Variants in LTN1 observed in about 807,000 individuals in gnomAD.
The protein encoded by LTN1 is E3 ubiquitin-protein ligase listerin.
In LTN1, 88 loss-of-function variants were observed where a neutral mutation model predicts 201.2. That is an observed-to-expected ratio of 0.44 (90% CI 0.37 to 0.52). The LOEUF (loss-of-function observed/expected upper bound fraction) is 0.52. LTN1 is among the 20% of genes least tolerant of loss of function. The pLI is 0.00. For missense variants in LTN1, 1,752 were observed against 2,038.7 expected (o/e 0.86, Z 2.71); for synonymous variants, 645 against 713.5 (o/e 0.90, Z 1.53).
In LTN1 at chr21:28,958,508, C is replaced by T; in HGVS notation, c.2625G>A (p.Trp875Ter). The T allele has an allele frequency of 6.2e-7, 1 of 1,605,602 alleles. No homozygotes were observed. The highest frequency in any genetic ancestry group is 8.5e-7 in the Non-Finnish European group (1 of 1,176,938). ...DFLICKLKNT[W>*]LSGVNLLVHQ... ...GAACCAATAAATTTACACCAGAGAG[C>T]CAAGTATTTTTCAGTTTACAGATAA... The change falls in exon 14 of 30, where the codon TGG (tryptophan) becomes TGA (stop). Residue 875 changes from tryptophan (W) to a stop codon, truncating the protein, a stop_gained. Transcript: ENST00000361371. LOFTEE classifies it high-confidence loss of function.
At chr21:28,951,430 G>A (rs2084381653) in intron 18 of LTN1, among the ~76,000 whole-genome samples, 1 of 152,050 alleles carries the variant, frequency 6.6e-6, no homozygotes, top group Non-Finnish European at 1.5e-5. Context: ...AGACACATTT[G>A]TTACATTTCT....
Position 28,944,438 on chromosome 21 carries a change from T to G in LTN1, c.3927A>C (p.Glu1309Asp). 6.2e-7 allele frequency: 1 copy of G among 1,613,996 alleles called. No homozygotes were observed. Among genetic ancestry groups the G allele is most frequent in the Non-Finnish European group, 8.5e-7 (1 of 1,179,950 alleles). Residue 1309 changes from glutamate to aspartate, a missense_variant, in exon 22 of 30, where the codon GAA becomes GAC. Around this residue, in one of 3 missense-constraint regions of LTN1, gnomAD observed 1,211 missense variants for 1,312.8 expected, o/e 0.92. Transcript: ENST00000361371. The stretch of plus-strand genomic sequence containing the variant: ...AACTGTGGATGCCTTGGGAAAAAAA[T>G]TCTTTCCATTCACTGATTAGATTTA... Reference protein sequence around the residue: ...LPVNLISEWKEFFSQGIHSLL... With the variant: ...LPVNLISEWKDFFSQGIHSLL...
In LTN1 at chr21:28,971,259, T is replaced by C; in HGVS notation, c.984+12A>G. ...CATTCCTCAGTGTACTAAATGTGCC[T>C]CTCTTACATACCTCAATAGTTGTAA... On this transcript the variant is annotated intron_variant, in intron 7 of 29. Transcript: ENST00000361371. 6.2e-7 allele frequency: 1 copy of C among 1,600,114 alleles called. No homozygotes were observed. Among genetic ancestry groups the C allele is most frequent in the Non-Finnish European group, 8.5e-7 (1 of 1,172,416 alleles).
At chr21:28,980,977 A>G (rs2146313667) in intron 6 of LTN1, 142 bp downstream of exon 6, 1 of 471,472 alleles carries the variant, frequency 2.1e-6, no homozygotes, top group East Asian at 3.5e-5. Context: ...TTCTAGTAAG[A>G]GAGGTAATTC....
chr21:28,966,394 T>C lies in LTN1; in HGVS notation c.2097A>G (p.Lys699=). The change falls in exon 10 of 30, where the codon AAA becomes AAG. Residue 699 remains lysine (K), a synonymous_variant. Transcript: ENST00000361371. The stretch of plus-strand genomic sequence containing the variant: ...CCTTGGTTAGATCATCCAAGACTTT[T>C]TTTCTTTCCATATCATTGTCACAGC... ...LRCCDNDMER[K]KVLDDLTKVD... 6.2e-7 allele frequency: 1 copy of C among 1,608,758 alleles called. No individual in the cohort carries two copies. The highest frequency in any genetic ancestry group is 8.5e-7 in the Non-Finnish European group (1 of 1,178,632).
Position 28,966,363 on chromosome 21 carries a change from G to A in LTN1, c.2121+7C>T. The A allele has an allele frequency of 6.3e-7, 1 of 1,584,500 alleles. No individual in the cohort carries two copies. Among genetic ancestry groups the A allele is most frequent in the Non-Finnish European group, 8.6e-7 (1 of 1,165,812 alleles). ...AAATAGTTTGAAAAGATATACAACA[G>A]GAATACCTTGGTTAGATCATCCAAG... On this transcript the variant is annotated splice_region_variant and intron_variant, in intron 10 of 29. Transcript: ENST00000361371.
In LTN1 at chr21:28,966,595, C is replaced by A. The variant is rs1238075709; in HGVS notation, c.1896G>T (p.Met632Ile). The change falls in exon 10 of 30, where the codon ATG becomes ATT. Residue 632 changes from methionine to isoleucine, a missense_variant. By Grantham distance (10) the Met-to-Ile change is conservative (BLOSUM62 1). Coordinates refer to ENST00000361371, the MANE Select transcript of LTN1 (RefSeq NM_015565.3). Reference sequence around the variant, plus strand: ...TACTCTGTTTTTCATCACCAAGTAGCATTTTAAATACTCGGCTTGAAGAAA... The same window carrying A: ...TACTCTGTTTTTCATCACCAAGTAGAATTTTAAATACTCGGCTTGAAGAAA... Reference protein sequence around the residue: ...DSFSSSRVFKMLLGDEKQSIV... With the variant: ...DSFSSSRVFKILLGDEKQSIV... 1 of 1,614,058 alleles carries A rather than the reference C, an allele frequency of 6.2e-7. No individual in the cohort carries two copies. The highest frequency in any genetic ancestry group is 8.5e-7 in the Non-Finnish European group (1 of 1,179,980).
chr21:28,945,555 C>T lies in LTN1; in HGVS notation c.3768+252G>A, dbSNP rs191879009. On this transcript the variant is annotated intron_variant, in intron 21 of 29. Transcript: ENST00000361371. Reference sequence around the variant, plus strand: ...TGAAAGGGCTGTGCTGCAAATATTACAATAAGCTAATGGAGAAGGCATTTT... The same window carrying T: ...TGAAAGGGCTGTGCTGCAAATATTATAATAAGCTAATGGAGAAGGCATTTT... 4.1e-3 allele frequency among the ~76,000 whole-genome samples: 624 copies of T among 152,258 alleles called. 2 individuals are homozygous for T. Among genetic ancestry groups the T allele is most frequent in the African/African-American group, 0.014 (587 of 41,552 alleles).
rs529504212 is a variant in LTN1 at position 28,959,703 on chromosome 21, G to T, written c.2354-6C>A. ...TACGTCTCCAATCAAGTAATCTGGAGAAAAAAAGGTTCAAACAGACAAAAA... is the reference window on the plus strand; with the variant it reads ...TACGTCTCCAATCAAGTAATCTGGATAAAAAAAGGTTCAAACAGACAAAAA... On this transcript the variant is annotated splice_region_variant and splice_polypyrimidine_tract_variant and intron_variant, in intron 12 of 29. Transcript: ENST00000361371. 1 of 1,580,336 alleles carries T rather than the reference G, an allele frequency of 6.3e-7. No individual in the cohort carries two copies. The highest frequency in any genetic ancestry group is 1.4e-5 in the African/African-American group (1 of 73,038).
Position 28,945,954 on chromosome 21 carries a change from G to A in LTN1, c.3624-3C>T, listed in dbSNP as rs199653831. ...CTGGACTTGCTTCTGATAGATTACT[G>A]TGATAAAGATAAAAACAAAAGACAA... On this transcript the variant is annotated splice_region_variant and splice_polypyrimidine_tract_variant and intron_variant, in intron 20 of 29. Transcript: ENST00000361371. 3.2e-5 allele frequency: 52 copies of A among 1,600,712 alleles called. 1 individual carries two copies. The highest frequency in any genetic ancestry group is 4.3e-5 in the Non-Finnish European group (51 of 1,174,242).
Position 28,930,165 on chromosome 21 carries a change from T to C in LTN1, c.*283A>G. 3.9e-6 allele frequency: 1 copy of C among 259,008 alleles called. No individual in the cohort carries two copies. Among genetic ancestry groups the C allele is most frequent in the East Asian group, 7.5e-5 (1 of 13,394 alleles). The allele number at this position is 259,008 out of a possible 1,614,324, so 16.0% of individuals were successfully genotyped here. A position where few individuals can be genotyped will look rare whatever the true frequency, so the allele number is the denominator to read the frequency against. On this transcript the variant is annotated 3_prime_UTR_variant, in exon 30 of 30. Transcript: ENST00000361371. Reference sequence around the variant, plus strand: ...AATTCTGTAATTTAGGGGTTTTTCATATTTATTTTTAAATATACAAAGAAA... The same window carrying C: ...AATTCTGTAATTTAGGGGTTTTTCACATTTATTTTTAAATATACAAAGAAA...
intron 11 of LTN1, 138 bp from the exon 12 acceptor site, chr21:28,960,844 C>T: frequency 3.3e-6 from 2 of 608,200 alleles, no homozygotes; most frequent in Non-Finnish European, 2.9e-6. Context: ...TCCTGAAGTT[C>T]TAGGAAGACT....
chr21:28,981,578 A>G (rs1387861193), intron 5 of LTN1, among the ~76,000 whole-genome samples: 2 of 152,250 alleles, frequency 1.3e-5, no homozygotes, highest in Non-Finnish European at 2.9e-5. Flanking sequence ...GGGTGATCCC[A>G]GGGAATGGAT....
At position 28,956,800 on chromosome 21, in the gene LTN1, T is replaced by G. The variant is rs769225671; in HGVS notation, c.3041A>C (p.Lys1014Thr). 2.0e-5 allele frequency: 32 copies of G among 1,608,516 alleles called. No individual in the cohort carries two copies. In the South Asian group the frequency reaches 3.6e-4, roughly 18 times the overall value. Residue 1014 changes from lysine (K) to threonine (T), a missense_variant, in exon 16 of 30, where the codon AAG becomes ACG. This residue lies in a region of LTN1 where 1,211 missense variants were observed against 1,312.8 expected (regional missense o/e 0.92). Coordinates refer to ENST00000361371, the MANE Select transcript of LTN1 (RefSeq NM_015565.3). ...CTCATTATTTTCTAAGACTGTTTCCTTTCTCAGTGCAATTAAGACCATTTT... is the reference window on the plus strand; with the variant it reads ...CTCATTATTTTCTAAGACTGTTTCCGTTCTCAGTGCAATTAAGACCATTTT... The part of the protein sequence containing the change: ...LSKMVLIALR[K>T]ETVLENNELE...
At chr21:28,970,816 T>A in intron 7 of LTN1, 74 bp from the exon 8 acceptor site, 1 of 1,163,034 alleles carries the variant, frequency 8.6e-7, no homozygotes, top group Non-Finnish European at 1.2e-6. Context: ...AGAAAACATA[T>A]AGGCTCTCAA....
intron 28 of LTN1, among the ~76,000 whole-genome samples, chr21:28,931,986 A>G (rs1348385274): frequency 6.6e-6 from 1 of 152,072 alleles, no homozygotes; most frequent in Non-Finnish European, 1.5e-5. Flanking sequence ...CTGGGCAACA[A>G]GAGCAAAAAC....
At chr21:28,940,656 T>C (rs78901843) in intron 25 of LTN1, among the ~76,000 whole-genome samples, 11,590 of 152,280 alleles carry the variant, frequency 0.076, 560 homozygotes, top group Middle Eastern at 0.17. Context: ...TATTATTTCC[T>C]GAAATAAAAG....
chr21:28,992,563 C>T (rs1002913658), intron 1 of LTN1, among the ~76,000 whole-genome samples: 1 of 152,186 alleles, frequency 6.6e-6, no homozygotes, highest in Non-Finnish European at 1.5e-5. Flanking sequence ...CATGGTACAT[C>T]TTTTCTCTCA....
At chr21:28,973,746 G>T (rs1340206758) in intron 6 of LTN1, among the ~76,000 whole-genome samples, 1 of 152,076 alleles carries the variant, frequency 6.6e-6, no homozygotes, top group Non-Finnish European at 1.5e-5. Context: ...ATAACCAAAA[G>T]AATTTTGAAA....
Sources: allele counts gnomAD v4.1 joint callset (sites outside exome capture counted in the v4.1 genomes callset), GRCh38; gene constraint gnomAD v4.1.1; regional missense constraint gnomAD v4.1.1; transcripts MANE v1.5; gene names NCBI Gene and HGNC (gene_info 2026-07-23, HGNC 2026-07-21).